The following ALG13 variants were observed in gnomAD, a reference collection of about 807,000 sequenced individuals.
ALG13 encodes UDP-N-acetylglucosamine transferase subunit ALG13.
ALG13 carries 11 observed loss-of-function variants against 87.8 expected under a neutral mutation model. That is an observed-to-expected ratio of 0.13 (90% CI 0.08 to 0.21). The LOEUF is 0.21. Ranked by LOEUF, ALG13 falls within the 10% of genes least tolerant of loss-of-function variation. ALG13 has a pLI of 1.00. For missense variants in ALG13, 756 were observed against 866.1 expected (o/e 0.87, Z 1.60); for synonymous variants, 320 against 306.3 (o/e 1.04, Z -0.47).
At chrX:111,691,126 A>G (rs1936062721) in intron 3 of ALG13, among the ~76,000 whole-genome samples, 1 of 111,055 alleles carries the variant, frequency 9.0e-6, no homozygotes, top group South Asian at 3.8e-4. Context: ...TTTGAGACCA[A>G]GTCTCGCTCT....
intron 10 of ALG13, among the ~76,000 whole-genome samples, chrX:111,719,087 C>A (rs1011984523): frequency 9.9e-6 from 1 of 100,565 alleles, no homozygotes; most frequent in South Asian, 4.7e-4. Flanking sequence ...AGTGCAGTAG[C>A]GCGATCTCAG....
Position 111,759,770 on chromosome X carries a change from A to G in ALG13, c.3185A>G (p.His1062Arg). 8.3e-7 allele frequency: 1 copy of G among 1,208,299 alleles called. No homozygotes were observed. ...FPNADSSSVP[H>R]GAVYYPVMSD... ...AATGCTGATTCTTCATCTGTCCCTC[A>G]TGGAGCAGTCTATTATCCAGTAATG... The change falls in exon 27 of 27, where the codon CAT becomes CGT. Residue 1062 changes from histidine (H) to arginine (R), a missense_variant. By Grantham distance (29) the His-to-Arg change is conservative. Around this residue, in one of 9 missense-constraint regions of ALG13, gnomAD observed 110 missense variants for 104.9 expected, o/e 1.05. Transcript: ENST00000394780.
chrX:111,691,424 A>T (rs1389192444), intron 3 of ALG13, among the ~76,000 whole-genome samples: 1 of 111,608 alleles, frequency 9.0e-6, no homozygotes, highest in Admixed American at 9.5e-5. Context: ...TTTATTGGGG[A>T]GTGGGGAGTG....
chrX:111,718,830 C>G (rs1345570009), intron 10 of ALG13, among the ~76,000 whole-genome samples: 1 of 111,304 alleles, frequency 9.0e-6, no homozygotes, highest in Non-Finnish European at 1.9e-5. Flanking sequence ...GTGAGTGTGC[C>G]TCTGAGGAAA....
intron 24 of ALG13, among the ~76,000 whole-genome samples, chrX:111,747,999 G>A (rs1944396339): frequency 8.9e-6 from 1 of 112,022 alleles, no homozygotes; most frequent in African/African-American, 3.2e-5. Flanking sequence ...CATTCTAATA[G>A]GTGTGTAATG....
intron 5 of ALG13, among the ~76,000 whole-genome samples, chrX:111,710,749 T>G (rs1349404408): frequency 8.9e-6 from 1 of 112,251 alleles, no homozygotes. Flanking sequence ...CAGGCTGGAG[T>G]GCAGTGGCAC....
intron 26 of ALG13, 47 bp from the exon 27 acceptor site, chrX:111,759,687 G>C: frequency 9.2e-7 from 1 of 1,088,267 alleles, no homozygotes; most frequent in Non-Finnish European, 1.2e-6. Context: ...GTTCTGTTTT[G>C]GTGAATTTTT....
intron 23 of ALG13, among the ~76,000 whole-genome samples, chrX:111,742,692 C>T (rs1453595756): frequency 9.0e-6 from 1 of 111,627 alleles, no homozygotes; most frequent in Non-Finnish European, 1.9e-5. Context: ...TTTGGTAGCC[C>T]CTTAAATTTT....
chrX:111,735,069 T>A lies in ALG13; in HGVS notation c.2476T>A (p.Ser826Thr). Residue 826 changes from serine (S) to threonine (T), a missense_variant, in exon 22 of 27, where the codon TCA becomes ACA. This residue lies in a region of ALG13 where 362 missense variants were observed against 383.5 expected (regional missense o/e 0.94). Transcript: ENST00000394780. ...TANLSLQDRK[S>T]CSMSPQDTVT... ...ATTAAAGTCTCTTCAGGACAGAAAG[T>A]CATGTTCTATGTCTCCTCAGGACAC... 8.4e-7 allele frequency: 1 copy of A among 1,186,982 alleles called. No individual in the cohort carries two copies. Among genetic ancestry groups the A allele is most frequent in the African/African-American group, 1.7e-5 (1 of 57,347 alleles).
At chrX:111,753,189 T>A (rs1389611519) in intron 25 of ALG13, 1 of 126,080 alleles carries the variant, frequency 7.9e-6, no homozygotes, top group African/African-American at 3.2e-5. Context: ...TCTTTCCATT[T>A]TATGTGAAAA....
At position 111,682,158 on chromosome X, in the gene ALG13, A is replaced by G. The variant is rs769838471; in HGVS notation, c.108A>G (p.Arg36=). Residue 36 remains arginine (R), a synonymous_variant, in exon 2 of 27, where the codon CGA becomes CGG. Coordinates refer to ENST00000394780, the MANE Select transcript of ALG13 (RefSeq NM_001099922.3). The stretch of plus-strand genomic sequence containing the variant: ...AAATCGAGAGCCTTGGTTACAACCG[A>G]CTTATCCTGCAAATTGGTAGAGGAA... ...LQKIESLGYN[R]LILQIGRGTV... The G allele has an allele frequency of 2.0e-4, 241 of 1,191,282 alleles. 1 individual carries two copies. The Middle Eastern group carries it at 2.6e-3, about 13-fold the overall frequency.
In ALG13 at chrX:111,717,943, A is replaced by G. The variant is rs757030181; in HGVS notation, c.1087+16A>G. 1 of 1,185,071 alleles carries G rather than the reference A, an allele frequency of 8.4e-7. No homozygotes were observed. The highest frequency in any genetic ancestry group is 2.2e-5 in the Admixed American group (1 of 45,025). On this transcript the variant is annotated intron_variant, in intron 9 of 26. Coordinates refer to ENST00000394780, the MANE Select transcript of ALG13 (RefSeq NM_001099922.3). Reference sequence around the variant, plus strand: ...GTTTGTCAGGGTATGTGAAGGCTTTATAAATTGTGGGTGTGATTTCAGATG... The same window carrying G: ...GTTTGTCAGGGTATGTGAAGGCTTTGTAAATTGTGGGTGTGATTTCAGATG...
At chrX:111,706,476 G>T (rs1396302674) in intron 3 of ALG13, among the ~76,000 whole-genome samples, 1 of 112,587 alleles carries the variant, frequency 8.9e-6, no homozygotes, top group Non-Finnish European at 1.9e-5. Context: ...GAAATTAGTG[G>T]CTGGACATGG....
chrX:111,754,934 T>C (rs1340479134), intron 25 of ALG13, among the ~76,000 whole-genome samples: 2 of 112,106 alleles, frequency 1.8e-5, no homozygotes, highest in East Asian at 5.6e-4. Context: ...AAATTTCATA[T>C]GGAACCAAAA....
intron 23 of ALG13, among the ~76,000 whole-genome samples, chrX:111,743,305 A>G (rs1389034541): frequency 8.9e-6 from 1 of 112,235 alleles, no homozygotes; most frequent in Non-Finnish European, 1.9e-5. Context: ...ATCTGTATCT[A>G]GAACATTTGG....
At chrX:111,735,014 G>A in intron 21 of ALG13, 37 bp from the exon 22 acceptor site, 1 of 902,947 alleles carries the variant, frequency 1.1e-6, no homozygotes, top group South Asian at 2.1e-5. Flanking sequence ...TTGATGTGTT[G>A]TTTGTTTTTT....
At chrX:111,681,571 C>A in intron 1 of ALG13, 3 of 954,814 alleles carry the variant, frequency 3.1e-6, no homozygotes, top group Non-Finnish European at 4.0e-6. Flanking sequence ...GGTCTGCCCC[C>A]GCGCTCTATT....
chrX:111,720,204 G>A (rs769830062), intron 11 of ALG13, 34 bp downstream of exon 11: 1 of 1,022,876 alleles, frequency 9.8e-7, no homozygotes, highest in East Asian at 3.2e-5. Context: ...AATTTTCATA[G>A]TCTTGGCTTG....
chrX:111,699,252 T>C (rs1011524576), intron 3 of ALG13, among the ~76,000 whole-genome samples: 3 of 111,327 alleles, frequency 2.7e-5, no homozygotes, highest in Non-Finnish European at 3.8e-5. Flanking sequence ...GTTTTTTTTT[T>C]CGAGTTATTT....
Sources: allele counts gnomAD v4.1 joint callset (sites outside exome capture counted in the v4.1 genomes callset), GRCh38; gene constraint gnomAD v4.1.1; regional missense constraint gnomAD v4.1.1; transcripts MANE v1.5; gene names NCBI Gene and HGNC (gene_info 2026-07-23, HGNC 2026-07-21).